KCNJ6: variants seen among roughly 807,000 people sequenced by gnomAD.
KCNJ6 encodes potassium inwardly rectifying channel subfamily J member 6.
KCNJ6 carries 9 observed loss-of-function variants against 34.2 expected under a neutral mutation model. The observed-to-expected ratio is 0.26, with a 90% CI of 0.16 to 0.46. The LOEUF (loss-of-function observed/expected upper bound fraction) is 0.46. KCNJ6 is among the 20% of genes least tolerant of loss of function. The probability of loss-of-function intolerance (pLI) is 1.00; values close to 1 mark genes in which losing one functional copy is unlikely to be tolerated. For synonymous variants in KCNJ6, 196 were observed against 207.1 expected, an observed-to-expected ratio of 0.95 and a Z score of 0.46; for missense variants, 236 against 531.3, an observed-to-expected ratio of 0.44 and a Z score of 5.46.
intron 2 of KCNJ6, among the ~76,000 whole-genome samples, chr21:37,828,068 C>G (rs980455817): frequency 6.6e-6 from 1 of 152,220 alleles, no homozygotes; most frequent in Non-Finnish European, 1.5e-5. Context: ...ACTACACCCT[C>G]TGTGGACGGC....
chr21:37,690,084 A>C (rs1327499872), intron 3 of KCNJ6, among the ~76,000 whole-genome samples: 1 of 149,988 alleles, frequency 6.7e-6, no homozygotes, highest in East Asian at 2.0e-4. Context: ...AGATTATGCA[A>C]TTAAAATTGT....
Position 37,845,692 on chromosome 21 carries a change from T to C in KCNJ6, c.-27-4983A>G, listed in dbSNP as rs548445150. ...AGAGTTAGAACCTGTTCTTGCTATT[T>C]GAGGACAAATATTGACCTCTAGCAT... On this transcript the variant is annotated intron_variant, in intron 1 of 3. Transcript: ENST00000609713. Among the ~76,000 whole-genome samples, 5 of 152,350 alleles carry C rather than the reference T, an allele frequency of 3.3e-5. No homozygotes were observed. In the South Asian group the frequency reaches 1.0e-3, roughly 32 times the overall value.
Position 37,873,470 on chromosome 21 carries a change from T to C in KCNJ6, c.-27-32761A>G, listed in dbSNP as rs577555589. On this transcript the variant is annotated intron_variant, in intron 1 of 3. Transcript: ENST00000609713. ...AGGCCAGGCAGACTAGTGCAGTCAG[T>C]GTACCTAACCGTCCATTGACCTGAT... Among the ~76,000 whole-genome samples the C allele has an allele frequency of 3.3e-5, 5 of 152,272 alleles. No individual in the cohort carries two copies. The South Asian group carries it at 8.3e-4, about 25-fold the overall frequency.
chr21:37,726,582 GTGTGCATGTTTGTGAA>G (rs2123463232), intron 2 of KCNJ6, among the ~76,000 whole-genome samples: 1 of 152,292 alleles, frequency 6.6e-6, no homozygotes, highest in Non-Finnish European at 1.5e-5. Context: ...TTACAGTAAT[GTGTGCATGTTTGTGAA>G]TGTGTGTGTA....
chr21:37,835,084 G>A (rs867452277), intron 2 of KCNJ6, among the ~76,000 whole-genome samples: 4 of 152,178 alleles, frequency 2.6e-5, no homozygotes, highest in Middle Eastern at 3.2e-3. Context: ...TGGGGAGTGG[G>A]CATGCCTGAG....
chr21:37,729,542 G>A (rs1338590998), intron 2 of KCNJ6, among the ~76,000 whole-genome samples: 2 of 152,112 alleles, frequency 1.3e-5, no homozygotes, highest in South Asian at 2.1e-4. Flanking sequence ...CAGGCTGGTC[G>A]TGAACTCCTG....
chr21:37,632,567 G>C (rs1346507900), intron 3 of KCNJ6, among the ~76,000 whole-genome samples: 1 of 152,052 alleles, frequency 6.6e-6, no homozygotes, highest in Non-Finnish European at 1.5e-5. Context: ...AATCAATAAA[G>C]GCAAAAGTTG....
intron 2 of KCNJ6, among the ~76,000 whole-genome samples, chr21:37,835,555 T>G (rs1214048541): frequency 1.3e-5 from 2 of 152,182 alleles, no homozygotes; most frequent in Admixed American, 1.3e-4. Flanking sequence ...TGCAAAGTAT[T>G]CCATGCAGAC....
chr21:37,636,838 C>T (rs966262700), intron 3 of KCNJ6, among the ~76,000 whole-genome samples: 2 of 152,140 alleles, frequency 1.3e-5, no homozygotes, highest in Non-Finnish European at 2.9e-5. Context: ...ACCCCCTGGA[C>T]AAAGCCAGAG....
chr21:37,650,043 G>A (rs906475747), intron 3 of KCNJ6, among the ~76,000 whole-genome samples: 10 of 152,066 alleles, frequency 6.6e-5, no homozygotes, highest in Admixed American at 3.3e-4. Context: ...GATTACAGGT[G>A]TGAACCACCG....
intron 1 of KCNJ6, among the ~76,000 whole-genome samples, chr21:37,859,039 C>T (rs759545916): frequency 9.2e-5 from 14 of 152,078 alleles, no homozygotes; most frequent in Middle Eastern, 3.4e-3. Flanking sequence ...CTCATTCTAC[C>T]GAATTTACAA....
chr21:37,818,284 G>C (rs1352090788), intron 2 of KCNJ6, among the ~76,000 whole-genome samples: 1 of 151,350 alleles, frequency 6.6e-6, no homozygotes. Flanking sequence ...TTCCTAAAGG[G>C]AATACCAGCA....
chr21:37,692,098 G>A (rs142994810), intron 3 of KCNJ6, among the ~76,000 whole-genome samples: 10 of 152,190 alleles, frequency 6.6e-5, no homozygotes, highest in Non-Finnish European at 1.0e-4. Flanking sequence ...TAATGCATGC[G>A]GGGCTTAAAA....
chr21:37,854,230 A>T (rs1257232237), intron 1 of KCNJ6, among the ~76,000 whole-genome samples: 38 of 152,092 alleles, frequency 2.5e-4, no homozygotes, highest in Admixed American at 2.3e-3. Flanking sequence ...TTGAAAGTAA[A>T]AAGATGGAAA....
intron 3 of KCNJ6, among the ~76,000 whole-genome samples, chr21:37,656,490 C>T (rs980715119): frequency 6.6e-6 from 1 of 152,184 alleles, no homozygotes; most frequent in African/African-American, 2.4e-5. Flanking sequence ...TGGCCCCCCA[C>T]CCAGGCTCAC....
At chr21:37,859,296 T>TA (rs1216008583) in intron 1 of KCNJ6, among the ~76,000 whole-genome samples, 2 of 151,338 alleles carry the variant, frequency 1.3e-5, no homozygotes, top group Non-Finnish European at 2.9e-5. Context: ...TACATATATA[T>TA]TTTTTAAAAT....
intron 3 of KCNJ6, among the ~76,000 whole-genome samples, chr21:37,707,772 G>A (rs565712512): frequency 2.9e-3 from 21 of 7,216 alleles, no homozygotes; most frequent in Admixed American, 6.5e-3. Context: ...ATCCTCTTCC[G>A]GTCATTAGAA....
intron 3 of KCNJ6, among the ~76,000 whole-genome samples, chr21:37,669,991 C>T (rs1178493991): frequency 1.3e-5 from 2 of 152,188 alleles, no homozygotes; most frequent in Non-Finnish European, 2.9e-5. Context: ...AAGAGTCTTA[C>T]AGCTTTTGCT....
At chr21:37,741,726 C>G (rs1206139282) in intron 2 of KCNJ6, among the ~76,000 whole-genome samples, 4 of 152,190 alleles carry the variant, frequency 2.6e-5, no homozygotes, top group African/African-American at 9.6e-5. Context: ...TGCATGGCAC[C>G]AACGCCAGCC....
Sources: allele counts gnomAD v4.1 joint callset (sites outside exome capture counted in the v4.1 genomes callset), GRCh38; gene constraint gnomAD v4.1.1; transcripts MANE v1.5; gene names NCBI Gene and HGNC (gene_info 2026-07-23, HGNC 2026-07-21).